Variants in USH2A observed in about 807,000 individuals in gnomAD.
USH2A encodes usherin, also known as Usher syndrome 2A (autosomal recessive, mild).
Under a neutral mutation model 538.9 loss-of-function variants are expected in USH2A, and 443 were observed. That is an observed-to-expected ratio of 0.82 (90% CI 0.76 to 0.89). The LOEUF (loss-of-function observed/expected upper bound fraction) is 0.89. Ranked by LOEUF, USH2A falls within the 40% of genes least tolerant of loss-of-function variation. The pLI, the probability that USH2A is intolerant of heterozygous loss-of-function variation, is 0.00. For missense variants in USH2A, 6,633 were observed against 6,324.8 expected, an observed-to-expected ratio of 1.05 and a Z score of -1.65; for synonymous variants, 2,413 against 2,273.5, an observed-to-expected ratio of 1.06 and a Z score of -1.75.
chr1:215,841,081 G>T (rs1016813293), intron 46 of USH2A, among the ~76,000 whole-genome samples: 2 of 152,070 alleles, frequency 1.3e-5, no homozygotes, highest in African/African-American at 2.4e-5. Context: ...CATGCTCATG[G>T]ATAGGAAGAA....
chr1:216,175,916 A>G (rs927429435), intron 20 of USH2A, among the ~76,000 whole-genome samples: 16 of 152,074 alleles, frequency 1.1e-4, no homozygotes, highest in African/African-American at 3.9e-4. Context: ...TTGGCTGAGT[A>G]AGAGCTGCCT....
intron 35 of USH2A, among the ~76,000 whole-genome samples, chr1:215,989,218 T>C (rs1161247901): frequency 1.3e-5 from 2 of 152,222 alleles, no homozygotes; most frequent in Non-Finnish European, 2.9e-5. Context: ...TACCTTTAGG[T>C]ACATAACTGA....
intron 14 of USH2A, among the ~76,000 whole-genome samples, chr1:216,218,608 T>C (rs2035391009): frequency 6.6e-6 from 1 of 152,116 alleles, no homozygotes. Context: ...AAGCTAAGAC[T>C]GCCAAATAAG....
At chr1:216,305,236 C>T (rs1201190755) in intron 9 of USH2A, among the ~76,000 whole-genome samples, 1 of 151,854 alleles carries the variant, frequency 6.6e-6, no homozygotes, top group Non-Finnish European at 1.5e-5. Flanking sequence ...GTGATGTTTC[C>T]CTGTTGGACT....
At chr1:216,219,995 A>G (rs1357200892) in intron 14 of USH2A, among the ~76,000 whole-genome samples, 1 of 152,146 alleles carries the variant, frequency 6.6e-6, no homozygotes, top group Non-Finnish European at 1.5e-5. Flanking sequence ...CTACATCACA[A>G]ATTTCATATA....
At chr1:216,182,616 T>A (rs2034516552) in intron 20 of USH2A, among the ~76,000 whole-genome samples, 1 of 152,092 alleles carries the variant, frequency 6.6e-6, no homozygotes, top group Non-Finnish European at 1.5e-5. Flanking sequence ...GATGCCAGCA[T>A]TTCACTCTGA....
intron 21 of USH2A, among the ~76,000 whole-genome samples, chr1:216,098,287 T>C (rs543453841): frequency 6.6e-6 from 1 of 152,290 alleles, no homozygotes; most frequent in East Asian, 1.9e-4. Flanking sequence ...TCCAGTTTAG[T>C]TGAAAATATT....
intron 11 of USH2A, among the ~76,000 whole-genome samples, chr1:216,274,088 T>C (rs2036624795): frequency 6.6e-6 from 1 of 152,104 alleles, no homozygotes; most frequent in Non-Finnish European, 1.5e-5. Flanking sequence ...TTAAGAACTA[T>C]TGCTTTAATA....
chr1:216,068,553 G>A (rs2031455163), intron 30 of USH2A, among the ~76,000 whole-genome samples: 1 of 152,066 alleles, frequency 6.6e-6, no homozygotes, highest in Non-Finnish European at 1.5e-5. Context: ...AGTAATGCTG[G>A]TCCTTGGGCC....
chr1:215,745,478 T>C (rs985223045), intron 58 of USH2A, among the ~76,000 whole-genome samples: 1 of 152,216 alleles, frequency 6.6e-6, no homozygotes, highest in Admixed American at 6.5e-5. Flanking sequence ...TCCCATTTAA[T>C]ACTACTAGAA....
At chr1:215,731,450 T>C (rs1458663344) in intron 60 of USH2A, among the ~76,000 whole-genome samples, 1 of 152,212 alleles carries the variant, frequency 6.6e-6, no homozygotes, top group Non-Finnish European at 1.5e-5. Flanking sequence ...TAACTGGAAG[T>C]GTTTCCTCCT....
intron 4 of USH2A, among the ~76,000 whole-genome samples, chr1:216,351,851 T>C (rs1422586213): frequency 1.3e-5 from 2 of 150,534 alleles, no homozygotes; most frequent in Non-Finnish European, 3.0e-5. Context: ...AAAAAAAAAA[T>C]GTTGAACATG....
intron 4 of USH2A, among the ~76,000 whole-genome samples, chr1:216,331,322 T>C (rs1197271955): frequency 1.3e-5 from 2 of 152,120 alleles, no homozygotes; most frequent in African/African-American, 4.8e-5. Flanking sequence ...ATGGCAAAGA[T>C]ATGTCTAAAT....
intron 38 of USH2A, 69 bp downstream of exon 38, chr1:215,934,547 G>A (rs774479769): frequency 3.5e-5 from 52 of 1,474,990 alleles, no homozygotes; most frequent in Non-Finnish European, 4.6e-5. Flanking sequence ...AATAAACAAG[G>A]TATTCAATGG....
chr1:216,230,522 T>G (rs2102518156), intron 14 of USH2A, among the ~76,000 whole-genome samples: 1 of 152,280 alleles, frequency 6.6e-6, no homozygotes, highest in Non-Finnish European at 1.5e-5. Flanking sequence ...TTTAAATGAT[T>G]TTTGTAGTTT....
At chr1:215,834,871 T>C (rs1663431616) in intron 47 of USH2A, among the ~76,000 whole-genome samples, 1 of 151,954 alleles carries the variant, frequency 6.6e-6, no homozygotes, top group South Asian at 2.1e-4. Context: ...TGTTTTTTCT[T>C]TGTCTCTCTC....
chr1:215,854,150 C>A (rs539325024), intron 44 of USH2A, among the ~76,000 whole-genome samples: 1 of 152,284 alleles, frequency 6.6e-6, no homozygotes, highest in Non-Finnish European at 1.5e-5. Context: ...TGGGAGGCCT[C>A]ACAATCATGG....
intron 21 of USH2A, among the ~76,000 whole-genome samples, chr1:216,114,162 A>G (rs565051928): frequency 1.6e-4 from 25 of 151,938 alleles, no homozygotes; most frequent in African/African-American, 6.0e-4. Flanking sequence ...TAAGAATCAG[A>G]TCATTTTCAG....
At chr1:216,065,620 G>T (rs887803649) in intron 30 of USH2A, among the ~76,000 whole-genome samples, 1 of 152,200 alleles carries the variant, frequency 6.6e-6, no homozygotes, top group Admixed American at 6.5e-5. Flanking sequence ...AATGCAGCTG[G>T]GTGCAGTGGC....
Sources: gnomAD v4.1 joint callset for allele counts (sites outside exome capture counted in the v4.1 genomes callset) on GRCh38, gnomAD v4.1.1 for gene constraint, MANE v1.5 for transcripts, NCBI Gene and HGNC (gene_info 2026-07-23, HGNC 2026-07-21) for gene names.